SIPA1L1: variants seen among roughly 807,000 people sequenced by gnomAD.
SIPA1L1 encodes the protein signal induced proliferation associated 1 like 1.
In SIPA1L1, 26 loss-of-function variants were observed where a neutral mutation model predicts 162.7. The ratio of observed to expected loss-of-function variants is 0.16; its 90% CI spans 0.12 to 0.22. The LOEUF (loss-of-function observed/expected upper bound fraction) is 0.22. SIPA1L1 is among the 10% of genes least tolerant of loss of function. The probability of loss-of-function intolerance (pLI) is 1.00; values close to 1 mark genes in which losing one functional copy is unlikely to be tolerated. For missense variants in SIPA1L1, 1,874 were observed against 2,241.0 expected, an observed-to-expected ratio of 0.84 and a Z score of 3.31; for synonymous variants, 829 against 837.4, an observed-to-expected ratio of 0.99 and a Z score of 0.17.
intron 12 of SIPA1L1, 34 bp downstream of exon 12, chr14:71,672,656 T>G: frequency 1.2e-6 from 2 of 1,602,762 alleles, no homozygotes; most frequent in Non-Finnish European, 1.7e-6. Context: ...GGCCTGAGAC[T>G]CGAGTGCAGG....
At chr14:71,530,856 G>C (rs530334437) in intron 4 of SIPA1L1, among the ~76,000 whole-genome samples, 1 of 152,322 alleles carries the variant, frequency 6.6e-6, no homozygotes, top group South Asian at 2.1e-4. Context: ...TAGATGCTAT[G>C]TGCATTTATT....
intron 2 of SIPA1L1, among the ~76,000 whole-genome samples, chr14:71,466,527 C>T (rs904906796): frequency 6.6e-6 from 1 of 151,102 alleles, no homozygotes; most frequent in Non-Finnish European, 1.5e-5. Context: ...GGACAGTTCC[C>T]AGGCTGCTCT....
chr14:71,532,985 A>G (rs1240311489), intron 4 of SIPA1L1, among the ~76,000 whole-genome samples: 1 of 152,162 alleles, frequency 6.6e-6, no homozygotes, highest in East Asian at 1.9e-4. Flanking sequence ...GGCAGGGGAA[A>G]TCCTGGAAAC....
At chr14:71,586,598 T>C (rs2034640270) in intron 4 of SIPA1L1, 1 of 152,210 alleles carries the variant, frequency 6.6e-6, no homozygotes, top group South Asian at 2.1e-4. Flanking sequence ...TACGCAACCA[T>C]GCAGAATTTT....
intron 4 of SIPA1L1, among the ~76,000 whole-genome samples, chr14:71,578,390 T>G (rs892698933): frequency 2.8e-4 from 42 of 152,246 alleles, no homozygotes; most frequent in African/African-American, 1.0e-3. Flanking sequence ...TACCTCTCTA[T>G]GCTCTTTCTT....
intron 4 of SIPA1L1, among the ~76,000 whole-genome samples, chr14:71,569,185 C>T (rs1222552538): frequency 6.6e-6 from 1 of 152,030 alleles, no homozygotes; most frequent in African/African-American, 2.4e-5. Context: ...GACATAGGAG[C>T]AGATTTGAAT....
At chr14:71,730,325 C>T (rs1459062863) in intron 20 of SIPA1L1, 24 bp downstream of exon 20, 1 of 1,610,978 alleles carries the variant, frequency 6.2e-7, no homozygotes, top group Admixed American at 1.7e-5. Context: ...CAGCTGCAGC[C>T]TGGATGGCCC....
intron 4 of SIPA1L1, among the ~76,000 whole-genome samples, chr14:71,531,222 T>G (rs2053417328): frequency 1.3e-5 from 2 of 152,322 alleles, no homozygotes; most frequent in South Asian, 4.1e-4. Context: ...GCTCTATTCA[T>G]TCTGTAGTCC....
intron 2 of SIPA1L1, among the ~76,000 whole-genome samples, chr14:71,462,434 C>A (rs1023333012): frequency 1.3e-5 from 2 of 152,202 alleles, no homozygotes; most frequent in African/African-American, 4.8e-5. Flanking sequence ...AACTGGCAGC[C>A]TTTCGGGTCA....
chr14:71,607,832 GC>G (rs1226527246), intron 5 of SIPA1L1, among the ~76,000 whole-genome samples: 4 of 152,132 alleles, frequency 2.6e-5, no homozygotes, highest in African/African-American at 9.7e-5. Context: ...TAACTACCTT[GC>G]TTGCTGATTT....
chr14:71,338,145 A>G (rs191356910), intron 2 of SIPA1L1, among the ~76,000 whole-genome samples: 100 of 152,238 alleles, frequency 6.6e-4, no homozygotes, highest in African/African-American at 2.4e-3. Flanking sequence ...CTTGCTGGTT[A>G]CCATAACACA....
At chr14:71,570,100 A>C (rs935710490) in intron 4 of SIPA1L1, among the ~76,000 whole-genome samples, 20 of 152,268 alleles carry the variant, frequency 1.3e-4, no homozygotes, top group Middle Eastern at 3.4e-3. Context: ...AGATGTTAGG[A>C]AGTCATAGTG....
At chr14:71,624,523 T>G (rs1254060487) in intron 7 of SIPA1L1, among the ~76,000 whole-genome samples, 5 of 152,184 alleles carry the variant, frequency 3.3e-5, no homozygotes, top group Non-Finnish European at 7.4e-5. Flanking sequence ...TGTCCAAGAA[T>G]AAATAATAGC....
intron 2 of SIPA1L1, among the ~76,000 whole-genome samples, chr14:71,379,325 A>T (rs2039687176): frequency 6.8e-6 from 1 of 146,334 alleles, no homozygotes; most frequent in African/African-American, 2.5e-5. Flanking sequence ...CCTTTAAGAG[A>T]CTGGGTCTCA....
chr14:71,674,055 T>C (rs2044815926), intron 12 of SIPA1L1, among the ~76,000 whole-genome samples: 1 of 152,272 alleles, frequency 6.6e-6, no homozygotes, highest in South Asian at 2.1e-4. Context: ...TTGTCTACTT[T>C]ATTGCTTCTG....
intron 10 of SIPA1L1, among the ~76,000 whole-genome samples, chr14:71,663,181 T>TAAAA (rs2043691037): frequency 6.6e-6 from 1 of 152,238 alleles, no homozygotes; most frequent in Non-Finnish European, 1.5e-5. Flanking sequence ...TTTTGACCAA[T>TAAAA]TTATACATTT....
At chr14:71,499,099 T>A (rs1000408501) in intron 2 of SIPA1L1, among the ~76,000 whole-genome samples, 1 of 152,248 alleles carries the variant, frequency 6.6e-6, no homozygotes, top group African/African-American at 2.4e-5. Context: ...AATCATGGTT[T>A]GCAGGGTTGA....
At chr14:71,709,123 A>G (rs530015684) in intron 16 of SIPA1L1, 99 bp from the exon 17 acceptor site, 2 of 1,006,844 alleles carry the variant, frequency 2.0e-6, no homozygotes, top group South Asian at 1.6e-5. Context: ...TTAGGCCTTC[A>G]GAGCCCTATA....
At chr14:71,461,175 C>T (rs1312497985) in intron 2 of SIPA1L1, among the ~76,000 whole-genome samples, 2 of 152,204 alleles carry the variant, frequency 1.3e-5, no homozygotes, top group Non-Finnish European at 2.9e-5. Context: ...TCTGCCCTTT[C>T]CGTGATGGAA....
Sources: gnomAD v4.1 joint callset for allele counts (sites outside exome capture counted in the v4.1 genomes callset) on GRCh38, gnomAD v4.1.1 for gene constraint, MANE v1.5 for transcripts, NCBI Gene and HGNC (gene_info 2026-07-23, HGNC 2026-07-21) for gene names.